Variants in SYNE1 observed in about 807,000 individuals in gnomAD.
SYNE1 encodes the protein spectrin repeat containing nuclear envelope protein 1, also known as nesprin-1.
In SYNE1, 616 loss-of-function variants were observed where a neutral mutation model predicts 1,111.0. That is an observed-to-expected ratio of 0.55 (90% CI 0.52 to 0.59). SYNE1 has a LOEUF of 0.59. Ranked by LOEUF, SYNE1 falls within the 20% of genes least tolerant of loss-of-function variation. The pLI is 0.00. For missense variants in SYNE1, 10,006 were observed against 10,417.0 expected (o/e 0.96, Z 1.72); for synonymous variants, 3,855 against 3,825.8 (o/e 1.01, Z -0.28).
chr6:152,277,895 C>A (rs7765088), intron 98 of SYNE1, 194 bp downstream of exon 98: 15 of 699,458 alleles, frequency 2.1e-5, no homozygotes, highest in Non-Finnish European at 3.6e-5. Context: ...GTAGTCCTAA[C>A]AAAATCTATT....
At chr6:152,446,549 G>C (rs773905425) in intron 29 of SYNE1, among the ~76,000 whole-genome samples, 11 of 152,142 alleles carry the variant, frequency 7.2e-5, no homozygotes, top group Non-Finnish European at 1.5e-4. Context: ...TGTTAGATGA[G>C]AAATCTCTGT....
At chr6:152,280,662 G>T (rs1465651828) in intron 97 of SYNE1, among the ~76,000 whole-genome samples, 1 of 152,164 alleles carries the variant, frequency 6.6e-6, no homozygotes, top group Non-Finnish European at 1.5e-5. Flanking sequence ...ACAAGAGAGA[G>T]GTGGCAGTAT....
intron 35 of SYNE1, 96 bp from the exon 36 acceptor site, chr6:152,430,306 G>T: frequency 5.1e-6 from 6 of 1,174,604 alleles, no homozygotes; most frequent in South Asian, 1.3e-5. Context: ...TACCTTTTAT[G>T]GATAACTTTT....
chr6:152,453,491 G>A (rs769823727), intron 25 of SYNE1, 95 bp downstream of exon 25: 3 of 1,591,834 alleles, frequency 1.9e-6, no homozygotes, highest in Admixed American at 3.3e-5. Flanking sequence ...TGACTTTCCA[G>A]GAATTTCTAA....
intron 127 of SYNE1, among the ~76,000 whole-genome samples, chr6:152,195,145 T>C (rs2073764509): frequency 6.6e-6 from 1 of 152,174 alleles, no homozygotes; most frequent in South Asian, 2.1e-4. Context: ...GGTCTCAAAC[T>C]CCTGACCTCA....
At position 152,325,142 on chromosome 6, in the gene SYNE1, T is replaced by C. The variant is rs368726093; in HGVS notation, c.15599A>G (p.Gln5200Arg). The C allele has an allele frequency of 5.6e-6, 9 of 1,614,226 alleles. No homozygotes were observed. The highest frequency in any genetic ancestry group is 4.4e-5 in the South Asian group (4 of 91,084). ...QRWTRLRAVA[Q>R]DQEKILEDAV... ...ATCTTCCAGGATCTTCTCCTGGTCC[T>C]GGGCCACAGCTCGAAGGCGTGTCCA... is the stretch of plus-strand genomic sequence containing the variant. The change falls in exon 81 of 146, where the codon CAG becomes CGG. Residue 5200 changes from glutamine (Q) to arginine (R), a missense_variant. This residue lies in a region of SYNE1 where 4,955 missense variants were observed against 5,017.2 expected (regional missense o/e 0.99). Transcript: ENST00000367255.
rs115953000 is a variant in SYNE1, at chr6:152,411,284, T to C, written c.6231-1575A>G. Among the ~76,000 whole-genome samples the C allele has an allele frequency of 5.6e-3, 848 of 152,340 alleles. 10 individuals carry two copies. Among genetic ancestry groups the C allele is most frequent in the African/African-American group, 0.019 (810 of 41,574 alleles). ...GTTTATATGTTTATCCTTCAGCCTG[T>C]ACCACACTGAAACTAGCTAGTATAA... On this transcript the variant is annotated intron_variant, in intron 42 of 145. Transcript: ENST00000367255.
intron 18 of SYNE1, among the ~76,000 whole-genome samples, chr6:152,463,748 A>G (rs2098747927): frequency 6.6e-6 from 1 of 152,198 alleles, no homozygotes; most frequent in South Asian, 2.1e-4. Flanking sequence ...CCGAAGACAA[A>G]ACAAAACATG....
rs2060437692 is a variant in SYNE1, at chr6:152,151,624, T to C, written c.24379A>G (p.Met8127Val). ...RDSILVWLTE[M>V]DLQLTNIEHF... ...TCAATATTAGTGAGCTGCAGATCCA[T>C]CTCTGTGAGCCAGACCAGAATGCTG... Residue 8127 changes from methionine (M) to valine (V), a missense_variant, in exon 135 of 146, where the codon ATG becomes GTG. Physicochemically the swap from Met to Val is conservative, Grantham distance 21. Coordinates refer to ENST00000367255, the MANE Select transcript of SYNE1 (RefSeq NM_182961.4). 1.9e-6 allele frequency: 3 copies of C among 1,614,204 alleles called. No homozygotes were observed. The highest frequency in any genetic ancestry group is 2.5e-6 in the Non-Finnish European group (3 of 1,180,032).
chr6:152,322,585 C>T (rs781385393), intron 82 of SYNE1, among the ~76,000 whole-genome samples: 1 of 152,176 alleles, frequency 6.6e-6, no homozygotes, highest in Admixed American at 6.5e-5. Context: ...GCTCCTATAT[C>T]CCTGTCACCC....
At chr6:152,596,693 T>TG (rs1481471615) in intron 3 of SYNE1, among the ~76,000 whole-genome samples, 3 of 152,232 alleles carry the variant, frequency 2.0e-5, no homozygotes, top group African/African-American at 7.2e-5. Flanking sequence ...GGAAAAGGTA[T>TG]GGGAAGCATG....
chr6:152,272,366 G>A (rs1414665308), intron 98 of SYNE1, among the ~76,000 whole-genome samples: 1 of 152,196 alleles, frequency 6.6e-6, no homozygotes, highest in Non-Finnish European at 1.5e-5. Context: ...CCCACTGGGT[G>A]GGGCTACATA....
chr6:152,382,345 C>T (rs2154117775), intron 55 of SYNE1, among the ~76,000 whole-genome samples: 1 of 152,116 alleles, frequency 6.6e-6, no homozygotes, highest in Non-Finnish European at 1.5e-5. Flanking sequence ...AGTAAAGAAA[C>T]ATTGGAATGT....
intron 126 of SYNE1, among the ~76,000 whole-genome samples, chr6:152,205,148 T>TA (rs201591711): frequency 6.5e-4 from 95 of 145,608 alleles, no homozygotes; most frequent in Admixed American, 1.2e-3. Context: ...CTTTAAGCAT[T>TA]AAAAAAAAAA....
At chr6:152,261,303 C>T (rs1033556034) in intron 101 of SYNE1, among the ~76,000 whole-genome samples, 3 of 152,236 alleles carry the variant, frequency 2.0e-5, no homozygotes, top group Admixed American at 6.5e-5. Flanking sequence ...GTAGGCATCC[C>T]AGGCTGGCTT....
At chr6:152,543,882 A>T (rs780775150) in intron 3 of SYNE1, among the ~76,000 whole-genome samples, 4 of 152,192 alleles carry the variant, frequency 2.6e-5, no homozygotes, top group Non-Finnish European at 5.9e-5. Context: ...AGGCTATATC[A>T]TGTAGCCTAG....
At chr6:152,367,143 A>C (rs369498989) in intron 62 of SYNE1, 75 bp downstream of exon 62, 1 of 1,550,270 alleles carries the variant, frequency 6.5e-7, no homozygotes. Context: ...TCATCACCCC[A>C]GGTGGATGGA....
rs763126835 is a variant in SYNE1 at position 152,318,890 on chromosome 6, A to C, written c.16362T>G (p.Asn5454Lys). ...TTTGGTCAGTTTTAGCTTGAACTAC[A>C]TTATCTGTCTTCGCTTTCAGCTTAG... Reference protein sequence around the residue: ...ILTKLKAKTDNVVQAKTDQKV... With the variant: ...ILTKLKAKTDKVVQAKTDQKV... Residue 5454 changes from asparagine (N) to lysine (K), a missense_variant, in exon 85 of 146, where the codon AAT becomes AAG. Asn to Lys is a moderately conservative substitution (Grantham distance 94). This residue lies in a region of SYNE1 where 4,955 missense variants were observed against 5,017.2 expected (regional missense o/e 0.99). Coordinates refer to ENST00000367255, the MANE Select transcript of SYNE1 (RefSeq NM_182961.4). The C allele has an allele frequency of 2.1e-5, 34 of 1,614,048 alleles. No individual in the cohort carries two copies. The highest frequency in any genetic ancestry group is 2.6e-5 in the Non-Finnish European group (31 of 1,180,024).
chr6:152,130,907 C>A, intron 144 of SYNE1, 129 bp from the exon 145 acceptor site: 1 of 894,858 alleles, frequency 1.1e-6, no homozygotes, highest in East Asian at 2.6e-5. Flanking sequence ...GATCAGTACC[C>A]ATGAATTAAG....
Sources: gnomAD v4.1 joint callset for allele counts (sites outside exome capture counted in the v4.1 genomes callset) on GRCh38, gnomAD v4.1.1 for gene constraint, gnomAD v4.1.1 regional missense constraint, MANE v1.5 for transcripts, NCBI Gene and HGNC (gene_info 2026-07-23, HGNC 2026-07-21) for gene names.